Variants in EVI5 observed in about 807,000 individuals in gnomAD.
EVI5 encodes the protein ecotropic viral integration site 5, also known as ecotropic viral integration site 5 protein homolog.
EVI5 carries 73 observed loss-of-function variants against 112.0 expected under a neutral mutation model. That is an observed-to-expected ratio of 0.65 (90% CI 0.54 to 0.79). The LOEUF (loss-of-function observed/expected upper bound fraction) is 0.79. Among genes scored for constraint, EVI5 ranks in the 30% least tolerant of loss-of-function variants. The pLI, the probability that EVI5 is intolerant of heterozygous loss-of-function variation, is 0.00. For missense variants in EVI5, 900 were observed against 968.8 expected (o/e 0.93, Z 0.94); for synonymous variants, 305 against 319.9 (o/e 0.95, Z 0.50).
At chr1:92,773,923 C>G (rs1683774718) in intron 1 of EVI5, 1 of 151,076 alleles carries the variant, frequency 6.6e-6, no homozygotes. Flanking sequence ...CCCAGCTACT[C>G]AGGAGGCTGA....
At chr1:92,610,885 G>A (rs1276601531) in intron 16 of EVI5, among the ~76,000 whole-genome samples, 1 of 151,642 alleles carries the variant, frequency 6.6e-6, no homozygotes, top group Non-Finnish European at 1.5e-5. Context: ...CCCACAGGTG[G>A]GAATTGAACA....
chr1:92,576,571 C>T (rs548480473), intron 18 of EVI5, among the ~76,000 whole-genome samples: 2 of 152,036 alleles, frequency 1.3e-5, no homozygotes, highest in Non-Finnish European at 2.9e-5. Flanking sequence ...AGGTCAAATA[C>T]AAAATACTGG....
At chr1:92,546,036 C>T (rs986952311) in intron 19 of EVI5, among the ~76,000 whole-genome samples, 1 of 152,082 alleles carries the variant, frequency 6.6e-6, no homozygotes, top group Non-Finnish European at 1.5e-5. Context: ...GTACTGCCCA[C>T]ACGAACTGCT....
chr1:92,667,866 C>G lies in EVI5; in HGVS notation c.1159-1874G>C, dbSNP rs375580831. Among the ~76,000 whole-genome samples the G allele has an allele frequency of 1.0e-3, 152 of 152,318 alleles. 2 individuals carry two copies. In the South Asian group the frequency reaches 0.012, roughly 12 times the overall value. ...TCCTGACCTCATGATCCGCCCGCCT[C>G]AGCCTCCCAAAATGCTGGGATTACA... On this transcript the variant is annotated intron_variant, in intron 10 of 19. Transcript: ENST00000684568.
chr1:92,776,385 A>G (rs1684137333), intron 1 of EVI5, among the ~76,000 whole-genome samples: 1 of 152,176 alleles, frequency 6.6e-6, no homozygotes, highest in Non-Finnish European at 1.5e-5. Flanking sequence ...TTTTAAAGAA[A>G]ATAAAAATAT....
At chr1:92,563,280 G>C (rs1306033402) in intron 19 of EVI5, among the ~76,000 whole-genome samples, 1 of 152,014 alleles carries the variant, frequency 6.6e-6, no homozygotes, top group Admixed American at 6.6e-5. Context: ...TGCATGCAAC[G>C]GTAAATACCA....
intron 1 of EVI5, among the ~76,000 whole-genome samples, chr1:92,771,623 T>C (rs1481182984): frequency 2.1e-5 from 2 of 93,820 alleles, no homozygotes; most frequent in African/African-American, 8.4e-5. Context: ...TTTTTTTTTT[T>C]TGAGACGGAG....
intron 16 of EVI5, among the ~76,000 whole-genome samples, chr1:92,614,449 C>A (rs1429389034): frequency 3.3e-5 from 5 of 152,116 alleles, no homozygotes; most frequent in Non-Finnish European, 4.4e-5. Context: ...AAGTATTGAT[C>A]CTGTGTGTGT....
At chr1:92,662,923 C>T in intron 12 of EVI5, 58 bp from the exon 13 acceptor site, 1 of 965,482 alleles carries the variant, frequency 1.0e-6, no homozygotes, top group African/African-American at 1.8e-5. Context: ...AGAAAGACTG[C>T]CTTTGTGAGG....
chr1:92,628,727 A>C (rs552547551), intron 14 of EVI5, among the ~76,000 whole-genome samples: 11 of 152,288 alleles, frequency 7.2e-5, no homozygotes, highest in Middle Eastern at 6.8e-3. Context: ...TAACACTGAG[A>C]TTTCAAGGCC....
intron 9 of EVI5, among the ~76,000 whole-genome samples, chr1:92,686,121 C>T (rs55996399): frequency 0.058 from 8,889 of 152,164 alleles, 361 homozygotes; most frequent in Middle Eastern, 0.1. Context: ...GCCAATACCC[C>T]GATGAACACT....
intron 2 of EVI5, among the ~76,000 whole-genome samples, chr1:92,725,020 G>C (rs748707106): frequency 2.1e-4 from 32 of 152,122 alleles, no homozygotes; most frequent in Non-Finnish European, 4.3e-4. Flanking sequence ...AAGAGTCATT[G>C]CAAGTCAGAT....
At chr1:92,619,502 T>C (rs1281459846) in intron 16 of EVI5, among the ~76,000 whole-genome samples, 1 of 151,782 alleles carries the variant, frequency 6.6e-6, no homozygotes, top group Non-Finnish European at 1.5e-5. Flanking sequence ...CCCTGACTAA[T>C]ACAACATCTG....
At chr1:92,687,848 G>A (rs949053252) in intron 9 of EVI5, among the ~76,000 whole-genome samples, 6 of 152,148 alleles carry the variant, frequency 3.9e-5, no homozygotes, top group South Asian at 4.1e-4. Context: ...ACCATCTCAT[G>A]CCAGTTAGAT....
In EVI5 at chr1:92,775,349, C is replaced by T. The variant is rs150803461; in HGVS notation, c.-82+9487G>A. Among the ~76,000 whole-genome samples the T allele has an allele frequency of 4.7e-3, 720 of 152,036 alleles. 4 individuals carry two copies. Among genetic ancestry groups the T allele is most frequent in the African/African-American group, 0.016 (684 of 41,474 alleles). On this transcript the variant is annotated intron_variant, in intron 1 of 19. Coordinates refer to ENST00000684568, the MANE Select transcript of EVI5 (RefSeq NM_001350197.2). The stretch of plus-strand genomic sequence containing the variant: ...GGCTCAGGCAGGAGAATAGTTTGAA[C>T]CCAGGAGGCAGAAGTTGCAGTGAGC...
At chr1:92,629,272 A>G (rs1342713278) in intron 14 of EVI5, among the ~76,000 whole-genome samples, 1 of 152,244 alleles carries the variant, frequency 6.6e-6, no homozygotes, top group Admixed American at 6.5e-5. Flanking sequence ...GATTCTAGTT[A>G]CACTTGTTCT....
intron 2 of EVI5, among the ~76,000 whole-genome samples, chr1:92,723,359 C>T (rs963739207): frequency 9.2e-5 from 14 of 152,138 alleles, no homozygotes; most frequent in African/African-American, 2.4e-4. Context: ...GGACCCTGAA[C>T]GGAGGGACCG....
intron 13 of EVI5, among the ~76,000 whole-genome samples, chr1:92,648,496 T>C (rs1192464019): frequency 6.6e-6 from 1 of 152,180 alleles, no homozygotes; most frequent in Non-Finnish European, 1.5e-5. Context: ...TCCATCATTC[T>C]AAAGTAAAAC....
chr1:92,750,674 C>T (rs2102920765), intron 1 of EVI5, among the ~76,000 whole-genome samples: 1 of 152,206 alleles, frequency 6.6e-6, no homozygotes, highest in East Asian at 1.9e-4. Flanking sequence ...TGCCTTTTTC[C>T]CCTTACTTTT....
Sources: gnomAD v4.1 joint callset for allele counts (sites outside exome capture counted in the v4.1 genomes callset) on GRCh38, gnomAD v4.1.1 for gene constraint, MANE v1.5 for transcripts, NCBI Gene and HGNC (gene_info 2026-07-23, HGNC 2026-07-21) for gene names.